GPC6: variants seen among roughly 807,000 people sequenced by gnomAD.
GPC6 encodes glypican 6, also known as glypican-6.
GPC6 carries 14 observed loss-of-function variants against 55.2 expected under a neutral mutation model. The ratio of observed to expected loss-of-function variants is 0.25; its 90% CI spans 0.17 to 0.40. The LOEUF (loss-of-function observed/expected upper bound fraction) is 0.40, where lower values mean the gene tolerates loss of function less well. GPC6 is among the 10% of genes least tolerant of loss of function. The pLI is 1.00. For synonymous variants in GPC6, 278 were observed against 259.6 expected, an observed-to-expected ratio of 1.07 and a Z score of -0.68; for missense variants, 641 against 708.5, an observed-to-expected ratio of 0.90 and a Z score of 1.08.
chr13:94,253,309 A>G lies in GPC6; in HGVS notation c.878-33040A>G, dbSNP rs75948258. Among the ~76,000 whole-genome samples the G allele has an allele frequency of 8.9e-3, 1,351 of 152,200 alleles. 35 individuals carry two copies. The highest frequency in any genetic ancestry group is 0.087 in the East Asian group (448 of 5,162). On this transcript the variant is annotated intron_variant, in intron 4 of 8. Transcript: ENST00000377047. Reference sequence around the variant, plus strand: ...TTATTTAAAATGATTGTAAGTGACTATCTTCCTAGATTGTACATTGTGCCC... The same window carrying G: ...TTATTTAAAATGATTGTAAGTGACTGTCTTCCTAGATTGTACATTGTGCCC...
chr13:93,633,635 C>CAAATAAATAAATAAAT (rs10656000), intron 2 of GPC6, among the ~76,000 whole-genome samples: 1 of 147,058 alleles, frequency 6.8e-6, no homozygotes, highest in Non-Finnish European at 1.5e-5. Flanking sequence ...GACTCTGTCT[C>CAAATAAATAAATAAAT]AAATAAATAA....
At chr13:94,223,548 G>C (rs146446289) in intron 4 of GPC6, among the ~76,000 whole-genome samples, 55 of 152,202 alleles carry the variant, frequency 3.6e-4, no homozygotes, top group African/African-American at 1.3e-3. Flanking sequence ...CCATTCCTTT[G>C]CTATTCTGCC....
At chr13:94,000,185 A>G (rs1457381344) in intron 3 of GPC6, among the ~76,000 whole-genome samples, 1 of 152,162 alleles carries the variant, frequency 6.6e-6, no homozygotes, top group Non-Finnish European at 1.5e-5. Flanking sequence ...CCAACTAGAC[A>G]TGTAGATAGT....
chr13:94,374,612 G>A (rs1200959494), intron 6 of GPC6, among the ~76,000 whole-genome samples: 1 of 149,432 alleles, frequency 6.7e-6, no homozygotes, highest in African/African-American at 2.5e-5. Flanking sequence ...ATTAATAATG[G>A]GAGACTTTAA....
chr13:93,761,998 C>G (rs1177300469), intron 2 of GPC6, among the ~76,000 whole-genome samples: 1 of 152,096 alleles, frequency 6.6e-6, no homozygotes, highest in Non-Finnish European at 1.5e-5. Flanking sequence ...ACATTTTCAC[C>G]AGTGTCTTTC....
chr13:94,053,743 A>C (rs576972528), intron 4 of GPC6, among the ~76,000 whole-genome samples: 7 of 152,200 alleles, frequency 4.6e-5, no homozygotes, highest in Non-Finnish European at 7.3e-5. Flanking sequence ...GGAAACAATT[A>C]GATATTTCTT....
At chr13:93,957,532 A>G (rs535171947) in intron 3 of GPC6, among the ~76,000 whole-genome samples, 2 of 152,150 alleles carry the variant, frequency 1.3e-5, no homozygotes, top group Non-Finnish European at 2.9e-5. Context: ...AGCTCCATCC[A>G]TGTTGCTGCA....
chr13:93,432,748 A>C (rs1877408837), intron 1 of GPC6, among the ~76,000 whole-genome samples: 1 of 152,174 alleles, frequency 6.6e-6, no homozygotes, highest in Non-Finnish European at 1.5e-5. Context: ...AATGATATTT[A>C]TCTCTATTAT....
At chr13:93,764,923 C>T (rs1885066070) in intron 2 of GPC6, among the ~76,000 whole-genome samples, 1 of 152,052 alleles carries the variant, frequency 6.6e-6, no homozygotes, top group African/African-American at 2.4e-5. Flanking sequence ...CCTCAGCCTC[C>T]CGAGTAGCTG....
chr13:94,363,449 A>G (rs778356650), intron 6 of GPC6, among the ~76,000 whole-genome samples: 1 of 152,168 alleles, frequency 6.6e-6, no homozygotes, highest in Non-Finnish European at 1.5e-5. Context: ...GACTGGGGGT[A>G]TGGAGCAGGG....
intron 1 of GPC6, among the ~76,000 whole-genome samples, chr13:93,302,080 A>G (rs1878700545): frequency 6.6e-6 from 1 of 152,202 alleles, no homozygotes. Flanking sequence ...CTCTGTTTTA[A>G]TACACAAAGT....
chr13:93,220,229 C>T, the GPC6 span, among the ~76,000 whole-genome samples: 3 of 152,178 alleles, frequency 2.0e-5, no homozygotes, highest in South Asian at 2.1e-4. Flanking sequence ...CTATTCCCTA[C>T]CGAATAAGCC....
At chr13:93,246,119 T>C (rs896591767) in intron 1 of GPC6, among the ~76,000 whole-genome samples, 1 of 152,216 alleles carries the variant, frequency 6.6e-6, no homozygotes, top group Non-Finnish European at 1.5e-5. Context: ...GTTTTTCCTA[T>C]CCTAGCCTCT....
chr13:94,351,962 C>CAAAAAAAAAAAAAAAAGAA (rs1878562887), intron 6 of GPC6, among the ~76,000 whole-genome samples: 2 of 101,550 alleles, frequency 2.0e-5, no homozygotes, highest in East Asian at 3.1e-4. Context: ...GAGAAGAAGG[C>CAAAAAAAAAAAAAAAAGAA]AAAAAAAAAA....
At chr13:93,502,302 A>AAG (rs200862032) in intron 1 of GPC6, among the ~76,000 whole-genome samples, 2 of 151,708 alleles carry the variant, frequency 1.3e-5, no homozygotes, top group East Asian at 3.9e-4. Context: ...GAGAGCAAGA[A>AAG]AGAGAGAGAG....
chr13:94,088,693 A>G (rs2138808273), intron 4 of GPC6, among the ~76,000 whole-genome samples: 1 of 152,294 alleles, frequency 6.6e-6, no homozygotes, highest in Middle Eastern at 3.4e-3. Flanking sequence ...TGATTGAATC[A>G]GGATTTCATG....
intron 1 of GPC6, among the ~76,000 whole-genome samples, chr13:93,543,850 C>A (rs1882429305): frequency 1.3e-5 from 2 of 152,182 alleles, no homozygotes; most frequent in South Asian, 2.1e-4. Flanking sequence ...GAGTGGGTTG[C>A]TGGATGCTAT....
At position 93,418,432 on chromosome 13, in the gene GPC6, T is replaced by C. The variant is rs1048275883; in HGVS notation, c.161-126831T>C. 6.6e-5 allele frequency among the ~76,000 whole-genome samples: 10 copies of C among 151,458 alleles called. No individual in the cohort carries two copies. In the South Asian group the frequency reaches 1.5e-3, roughly 22 times the overall value. On this transcript the variant is annotated intron_variant, in intron 1 of 8. Coordinates refer to ENST00000377047, the MANE Select transcript of GPC6 (RefSeq NM_005708.5). ...TTTTATTAATAGCACTATACCATAG[T>C]ATTACTTTATTAATAGCACTATACT...
chr13:94,187,990 A>C (rs1405171399), intron 4 of GPC6: 1 of 152,200 alleles, frequency 6.6e-6, no homozygotes, highest in Non-Finnish European at 1.5e-5. Context: ...CTAAATCCAC[A>C]CTGGAGGCTG....
Sources: gnomAD v4.1 joint callset for allele counts (sites outside exome capture counted in the v4.1 genomes callset) on GRCh38, gnomAD v4.1.1 for gene constraint, MANE v1.5 for transcripts, NCBI Gene and HGNC (gene_info 2026-07-23, HGNC 2026-07-21) for gene names.